IL23R: variants seen among roughly 807,000 people sequenced by gnomAD.
The protein encoded by IL23R is interleukin-23 receptor.
IL23R carries 34 observed loss-of-function variants against 56.9 expected under a neutral mutation model. The observed-to-expected ratio is 0.60, with a 90% CI of 0.45 to 0.80. IL23R has a LOEUF of 0.80. Ranked by LOEUF, IL23R falls within the 30% of genes least tolerant of loss-of-function variation. IL23R has a pLI of 0.00. For synonymous variants in IL23R, 230 were observed against 249.2 expected, an observed-to-expected ratio of 0.92 and a Z score of 0.73; for missense variants, 635 against 730.0, an observed-to-expected ratio of 0.87 and a Z score of 1.50.
intron 1 of IL23R, among the ~76,000 whole-genome samples, chr1:67,142,765 G>A (rs988409225): frequency 5.3e-5 from 8 of 151,908 alleles, no homozygotes; most frequent in South Asian, 2.1e-4. Context: ...ATGGGGTTTC[G>A]CCATGTTGGC....
rs79714695 is a variant in IL23R, at chr1:67,167,779, T to G, written c.-29-313T>G. Reference sequence around the variant, plus strand: ...AGAAGTTAACTCAGAGGAGGAGGTTTCTGATGAGAAAGGCTAGATTAGGAG... The same window carrying G: ...AGAAGTTAACTCAGAGGAGGAGGTTGCTGATGAGAAAGGCTAGATTAGGAG... On this transcript the variant is annotated intron_variant, in intron 1 of 10. Transcript: ENST00000347310. Among the ~76,000 whole-genome samples the G allele has an allele frequency of 3.0e-3, 455 of 152,328 alleles. 2 individuals carry two copies. The highest frequency in any genetic ancestry group is 0.01 in the African/African-American group (434 of 41,584).
chr1:67,157,526 A>T lies in IL23R; in HGVS notation c.-633-10566A>T, dbSNP rs991122375. ...CACTGCAGTTACGTCTCTGACCCCCATTTCCTTTTATTCATCTGCTACTGT... is the reference window on the plus strand; with the variant it reads ...CACTGCAGTTACGTCTCTGACCCCCTTTTCCTTTTATTCATCTGCTACTGT... On this transcript the variant is annotated intron_variant, in intron 1 of 10. Coordinates refer to the IL23R transcript ENST00000637002. Among the ~76,000 whole-genome samples the T allele has an allele frequency of 2.0e-5, 3 of 151,944 alleles. No individual in the cohort carries two copies. The East Asian group carries it at 5.8e-4, about 29-fold the overall frequency.
chr1:67,171,247 GA>G (rs1453959636), intron 3 of IL23R, among the ~76,000 whole-genome samples: 1 of 151,610 alleles, frequency 6.6e-6, no homozygotes, highest in Middle Eastern at 3.4e-3. Flanking sequence ...TAAGCCAGAG[GA>G]AAAAAAAGGA....
intron 9 of IL23R, among the ~76,000 whole-genome samples, chr1:67,254,416 CAT>C (rs3052942): frequency 0.78 from 116,903 of 149,588 alleles, 46,442 homozygotes; most frequent in African/African-American, 0.92. Context: ...AATATATATA[CAT>C]ATATATATAT....
At chr1:67,204,102 C>G (rs1025736938) in intron 5 of IL23R, among the ~76,000 whole-genome samples, 1 of 151,970 alleles carries the variant, frequency 6.6e-6, no homozygotes, top group Non-Finnish European at 1.5e-5. Flanking sequence ...CTCGCTCTGT[C>G]GCCCAGGCTG....
At chr1:67,205,446 G>A (rs907618808) in intron 5 of IL23R, among the ~76,000 whole-genome samples, 1 of 152,084 alleles carries the variant, frequency 6.6e-6, no homozygotes, top group African/African-American at 2.4e-5. Context: ...CACGCCTACA[G>A]GCCCTTGAGT....
At chr1:67,179,677 A>T (rs1215232173) in intron 3 of IL23R, among the ~76,000 whole-genome samples, 1 of 151,676 alleles carries the variant, frequency 6.6e-6, no homozygotes, top group Non-Finnish European at 1.5e-5. Flanking sequence ...AATGTGTTTG[A>T]TCTTGCTTCT....
At chr1:67,162,834 A>G (rs376184962), upstream of IL23R, among the ~76,000 whole-genome samples, 3 of 152,202 alleles carry the variant, frequency 2.0e-5, no homozygotes, top group African/African-American at 4.8e-5. Flanking sequence ...AATTTAGAGA[A>G]TGATTACTGT....
intron 6 of IL23R, among the ~76,000 whole-genome samples, chr1:67,212,363 G>T (rs533559524): frequency 2.0e-5 from 3 of 152,264 alleles, no homozygotes; most frequent in South Asian, 4.1e-4. Flanking sequence ...GAGTCAAGAG[G>T]AGTGGGAGGA....
At chr1:67,151,394 T>C (rs1053123684) in intron 1 of IL23R, among the ~76,000 whole-genome samples, 2 of 152,210 alleles carry the variant, frequency 1.3e-5, no homozygotes, top group African/African-American at 4.8e-5. Flanking sequence ...TCCCATTCTG[T>C]AGGTTGCCTG....
intron 9 of IL23R, among the ~76,000 whole-genome samples, chr1:67,241,357 ATG>A (rs1157595467): frequency 6.6e-6 from 1 of 152,184 alleles, no homozygotes; most frequent in Non-Finnish European, 1.5e-5. Flanking sequence ...TCTAGGATCT[ATG>A]TGTTTCCTTA....
intron 6 of IL23R, among the ~76,000 whole-genome samples, chr1:67,217,694 A>C (rs1215346851): frequency 6.6e-6 from 1 of 151,186 alleles, no homozygotes; most frequent in Admixed American, 6.6e-5. Flanking sequence ...ACTCTGAAAG[A>C]TATCTTTCAT....
At chr1:67,157,975 G>C (rs549250545) in intron 1 of IL23R, among the ~76,000 whole-genome samples, 19 of 152,268 alleles carry the variant, frequency 1.2e-4, no homozygotes, top group Non-Finnish European at 1.0e-4. Flanking sequence ...CAGCACTTTG[G>C]GTGGCCAAGG....
downstream of IL23R, among the ~76,000 whole-genome samples, chr1:67,264,090 G>A (rs901818401): frequency 2.0e-5 from 3 of 152,192 alleles, no homozygotes; most frequent in African/African-American, 7.2e-5. Flanking sequence ...CTGTGCTTTA[G>A]AACTGAACCT....
At chr1:67,244,654 C>T (rs1652091918) in intron 9 of IL23R, among the ~76,000 whole-genome samples, 1 of 152,084 alleles carries the variant, frequency 6.6e-6, no homozygotes, top group Non-Finnish European at 1.5e-5. Flanking sequence ...GGTCTCTGTT[C>T]TGTTCCATTG....
At chr1:67,140,001 C>T (rs751953436) in intron 1 of IL23R, among the ~76,000 whole-genome samples, 4 of 152,308 alleles carry the variant, frequency 2.6e-5, no homozygotes, top group Non-Finnish European at 4.4e-5. Flanking sequence ...AACCCCCTCA[C>T]CATGTGATGC....
chr1:67,236,840 T>C, intron 8 of IL23R, 38 bp downstream of exon 8: 7 of 1,331,092 alleles, frequency 5.3e-6, no homozygotes, highest in Non-Finnish European at 6.5e-6. Flanking sequence ...AGTAGTCTTT[T>C]AGTAATTGCC....
intron 9 of IL23R, among the ~76,000 whole-genome samples, chr1:67,240,558 A>G (rs41298533): frequency 6.2e-4 from 94 of 152,348 alleles, no homozygotes; most frequent in Non-Finnish European, 1.2e-3. Flanking sequence ...TCAGCCCAGA[A>G]TCACTGAACA....
rs779618532 is a variant in IL23R, at chr1:67,200,755, G to A, written c.510G>A (p.Glu170=). 3 of 1,613,392 alleles carry A rather than the reference G, an allele frequency of 1.9e-6. No individual in the cohort carries two copies. In the African/African-American group the frequency reaches 4.0e-5, roughly 22 times the overall value. Residue 170 remains glutamate, a synonymous_variant, in exon 5 of 11, where the codon GAG becomes GAA. Transcript: ENST00000347310. ...TTTTAAGTTTAGAGACAGAAGAAGA[G>A]CAACAGTATCTCACCTCAAGCTATA... is the stretch of plus-strand genomic sequence containing the variant. The part of the protein sequence containing the change: ...VHVKSLETEE[E]QQYLTSSYIN...
Sources: allele counts gnomAD v4.1 joint callset (sites outside exome capture counted in the v4.1 genomes callset), GRCh38; gene constraint gnomAD v4.1.1; transcripts MANE v1.5; gene names NCBI Gene and HGNC (gene_info 2026-07-23, HGNC 2026-07-21).